DLGAP3: variants seen among roughly 807,000 people sequenced by gnomAD.
The protein encoded by DLGAP3 is DLG associated protein 3.
Under a neutral mutation model 81.2 loss-of-function variants are expected in DLGAP3, and 17 were observed. The ratio of observed to expected loss-of-function variants is 0.21; its 90% CI spans 0.14 to 0.31. DLGAP3 has a LOEUF of 0.31. DLGAP3 is among the 10% of genes least tolerant of loss of function. The pLI, the probability that DLGAP3 is intolerant of heterozygous loss-of-function variation, is 1.00. For missense variants in DLGAP3, 1,124 were observed against 1,388.0 expected (o/e 0.81, Z 3.02); for synonymous variants, 577 against 587.4 (o/e 0.98, Z 0.26).
At chr1:34,878,598 A>G (rs568801860) in intron 8 of DLGAP3, among the ~76,000 whole-genome samples, 2 of 152,368 alleles carry the variant, frequency 1.3e-5, no homozygotes, top group South Asian at 2.1e-4. Flanking sequence ...CAAAGTTACC[A>G]GGGAAAATGA....
chr1:34,911,889 C>T (rs1296265790), intron 1 of DLGAP3, among the ~76,000 whole-genome samples: 1 of 152,122 alleles, frequency 6.6e-6, no homozygotes, highest in Non-Finnish European at 1.5e-5. Context: ...CCACCAGGGC[C>T]CTGCCCAGCC....
At chr1:34,871,216 C>T (rs1638975212) in intron 8 of DLGAP3, among the ~76,000 whole-genome samples, 1 of 152,094 alleles carries the variant, frequency 6.6e-6, no homozygotes, top group African/African-American at 2.4e-5. Flanking sequence ...TATCTGAGGC[C>T]CTGATGTCCT....
chr1:34,925,426 T>C (rs1229909906), intron 1 of DLGAP3: 1 of 151,612 alleles, frequency 6.6e-6, no homozygotes. Context: ...CAGAGAGAGG[T>C]AGCTCCCCAC....
chr1:34,926,338 A>G (rs1309853485), intron 1 of DLGAP3, among the ~76,000 whole-genome samples: 2 of 152,200 alleles, frequency 1.3e-5, no homozygotes, highest in East Asian at 3.9e-4. Flanking sequence ...ATTAGCAATG[A>G]TGAGCTGGCA....
intron 5 of DLGAP3, among the ~76,000 whole-genome samples, chr1:34,891,218 G>T (rs980960899): frequency 3.3e-5 from 5 of 152,202 alleles, no homozygotes; most frequent in African/African-American, 1.2e-4. Context: ...CTTGCCTGAG[G>T]CTGCTCTCGT....
intron 5 of DLGAP3, among the ~76,000 whole-genome samples, chr1:34,893,172 C>G (rs1479627806): frequency 1.1e-5 from 1 of 92,278 alleles, no homozygotes; most frequent in Non-Finnish European, 2.3e-5. Context: ...GAGCGAGACT[C>G]CGTCTCAAAA....
chr1:34,886,056 A>G lies in DLGAP3; in HGVS notation c.1600+16T>C. ...TCCTGCCTAGGGCCGGGCCAGGGGC[A>G]GGAAGGTGTACTCACAGGAGCCGGG... On this transcript the variant is annotated intron_variant, in intron 6 of 11. Transcript: ENST00000373347. 1 of 1,587,430 alleles carries G rather than the reference A, an allele frequency of 6.3e-7. No homozygotes were observed. Among genetic ancestry groups the G allele is most frequent in the Non-Finnish European group, 8.6e-7 (1 of 1,168,398 alleles).
At chr1:34,894,113 G>A (rs766034682) in intron 5 of DLGAP3, among the ~76,000 whole-genome samples, 1 of 152,120 alleles carries the variant, frequency 6.6e-6, no homozygotes, top group East Asian at 1.9e-4. Flanking sequence ...GATTGAGCCT[G>A]GGAGGTCAAG....
chr1:34,896,513 C>T (rs960276678), intron 5 of DLGAP3, among the ~76,000 whole-genome samples: 5 of 151,682 alleles, frequency 3.3e-5, no homozygotes, highest in African/African-American at 7.3e-5. Context: ...CGCTTGAACC[C>T]GGGAGATGGA....
Position 34,900,458 on chromosome 1 carries a change from C to T in DLGAP3, c.1108-185G>A, listed in dbSNP as rs1557485105. On this transcript the variant is annotated intron_variant, in intron 3 of 11. Coordinates refer to ENST00000373347, the MANE Select transcript of DLGAP3 (RefSeq NM_001080418.3). This position sits in a 1 kb window ranked among gnomAD's most constrained non-coding sequence, Gnocchi z 5.6. ...CCGTCCCTTACAAGAGACACCTCGT[C>T]ATCCTCCACAGACCTTCTGCACTTA... 6.6e-6 allele frequency among the ~76,000 whole-genome samples: 1 copy of T among 152,224 alleles called. No individual in the cohort carries two copies. Among genetic ancestry groups the T allele is most frequent in the Non-Finnish European group, 1.5e-5 (1 of 68,040 alleles).
intron 6 of DLGAP3, 91 bp from the exon 7 acceptor site, chr1:34,885,882 C>A: frequency 8.4e-7 from 1 of 1,197,216 alleles, no homozygotes; most frequent in Non-Finnish European, 1.1e-6. Flanking sequence ...CTCAAGAGGC[C>A]CTACGGGACC....
At position 34,885,605 on chromosome 1, in the gene DLGAP3, T is replaced by C; in HGVS notation, c.1787A>G (p.Glu596Gly). 1 of 1,583,542 alleles carries C rather than the reference T, an allele frequency of 6.3e-7. No homozygotes were observed. Among genetic ancestry groups the C allele is most frequent in the South Asian group, 1.1e-5 (1 of 88,754 alleles). Residue 596 changes from glutamate to glycine, a missense_variant, in exon 7 of 12, where the codon GAG becomes GGG. Physicochemically the swap from Glu to Gly is moderately conservative, Grantham distance 98. Around this residue, in one of 9 missense-constraint regions of DLGAP3, gnomAD observed 379 missense variants for 455.7 expected, o/e 0.83. Coordinates refer to ENST00000373347, the MANE Select transcript of DLGAP3 (RefSeq NM_001080418.3). The part of the protein sequence containing the change: ...DGPAMGARTL[E>G]LAPVPPRASP... ...GGCCCGGGGCGGCACCGGCGCCAACTCCAGTGTGCGCGCACCCATGGCGGG... is the reference window on the plus strand; with the variant it reads ...GGCCCGGGGCGGCACCGGCGCCAACCCCAGTGTGCGCGCACCCATGGCGGG...
chr1:34,913,674 G>A (rs1557499176), intron 1 of DLGAP3, among the ~76,000 whole-genome samples: 1 of 152,202 alleles, frequency 6.6e-6, no homozygotes, highest in Non-Finnish European at 1.5e-5. Context: ...CATTTTGAGT[G>A]TCTAGAACAA....
intron 8 of DLGAP3, among the ~76,000 whole-genome samples, chr1:34,871,237 C>A (rs1271355386): frequency 6.6e-6 from 1 of 152,142 alleles, no homozygotes; most frequent in Non-Finnish European, 1.5e-5. Context: ...GGACACAGTC[C>A]TCCTCTTCAA....
rs146411302 is a variant in DLGAP3 at position 34,904,350 on chromosome 1, G to A, written c.1034C>T (p.Pro345Leu). 7.2e-5 allele frequency: 116 copies of A among 1,612,688 alleles called. 1 individual carries two copies. The highest frequency in any genetic ancestry group is 1.6e-4 in the Middle Eastern group (1 of 6,062). ...MMVSQGRDGY[P>L]GAGPGKGLLG... ...GAGCCCCTTGCCTGGCCCGGCCCCC[G>A]GGTATCCATCCCGGCCCTGGCTGAC... Residue 345 changes from proline to leucine, a missense_variant, in exon 3 of 12, where the codon CCG becomes CTG. Coordinates refer to ENST00000373347, the MANE Select transcript of DLGAP3 (RefSeq NM_001080418.3). This position sits in a 1 kb window ranked among gnomAD's most constrained non-coding sequence, Gnocchi z 8.1.
chr1:34,911,022 A>ACCG (rs368223755), intron 1 of DLGAP3, among the ~76,000 whole-genome samples: 4 of 131,952 alleles, frequency 3.0e-5, no homozygotes, highest in African/African-American at 1.2e-4. Context: ...GATATTATCC[A>ACCG]CCCCCCCCCC....
At chr1:34,871,046 T>G (rs1638971164) in intron 8 of DLGAP3, among the ~76,000 whole-genome samples, 1 of 152,162 alleles carries the variant, frequency 6.6e-6, no homozygotes, top group South Asian at 2.1e-4. Context: ...CTCTCTAAAA[T>G]TATATTTTGC....
At chr1:34,870,296 T>G (rs1316715186) in intron 8 of DLGAP3, among the ~76,000 whole-genome samples, 1 of 151,764 alleles carries the variant, frequency 6.6e-6, no homozygotes, top group African/African-American at 2.4e-5. Flanking sequence ...GAAGTGGGAG[T>G]CAGGAGATGT....
At chr1:34,927,619 G>A (rs1236781915) in intron 1 of DLGAP3, among the ~76,000 whole-genome samples, 1 of 152,042 alleles carries the variant, frequency 6.6e-6, no homozygotes, top group Non-Finnish European at 1.5e-5. Context: ...TGCCACCCTA[G>A]CCCTCCCAGC....
Sources: gnomAD v4.1 joint callset for allele counts (sites outside exome capture counted in the v4.1 genomes callset) on GRCh38, gnomAD v4.1.1 for gene constraint, gnomAD v4.1.1 regional missense constraint, Gnocchi (gnomAD v3.1) non-coding constraint, MANE v1.5 for transcripts, NCBI Gene and HGNC (gene_info 2026-07-23, HGNC 2026-07-21) for gene names.